Variants in ATRNL1 observed in about 807,000 individuals in gnomAD.
ATRNL1 encodes the protein attractin like 1, also known as attractin-like protein 1.
A neutral mutation model predicts 182.7 loss-of-function variants in ATRNL1; 95 were observed. That is an observed-to-expected ratio of 0.52 (90% CI 0.44 to 0.62). ATRNL1 has a LOEUF of 0.62. Ranked by LOEUF, ATRNL1 falls within the 20% of genes least tolerant of loss-of-function variation. The probability of loss-of-function intolerance (pLI) is 0.00; values close to 1 mark genes in which losing one functional copy is unlikely to be tolerated. For synonymous variants in ATRNL1, 576 were observed against 568.3 expected, an observed-to-expected ratio of 1.01 and a Z score of -0.19; for missense variants, 1,471 against 1,679.5, an observed-to-expected ratio of 0.88 and a Z score of 2.17.
At chr10:115,565,069 A>G (rs1047721084) in intron 26 of ATRNL1, among the ~76,000 whole-genome samples, 2 of 152,036 alleles carry the variant, frequency 1.3e-5, no homozygotes, top group African/African-American at 4.8e-5. Flanking sequence ...CACTTAGAAT[A>G]TTCTTTTAGA....
At chr10:115,431,083 G>A (rs1554963839) in intron 21 of ATRNL1, among the ~76,000 whole-genome samples, 1 of 152,072 alleles carries the variant, frequency 6.6e-6, no homozygotes, top group East Asian at 1.9e-4. Flanking sequence ...GACGCTCAAT[G>A]TTTAGATTTT....
chr10:115,559,318 G>T (rs1853521652), intron 26 of ATRNL1, among the ~76,000 whole-genome samples: 1 of 152,110 alleles, frequency 6.6e-6, no homozygotes, highest in African/African-American at 2.4e-5. Context: ...CATTCTGTTT[G>T]CAACAAGCAC....
intron 25 of ATRNL1, among the ~76,000 whole-genome samples, chr10:115,534,657 A>T (rs1186284114): frequency 6.6e-6 from 1 of 151,748 alleles, no homozygotes; most frequent in African/African-American, 2.4e-5. Context: ...TTATGGTGTT[A>T]GCTGGTTATT....
At chr10:115,767,174 C>G (rs919605667) in intron 27 of ATRNL1, among the ~76,000 whole-genome samples, 1 of 152,154 alleles carries the variant, frequency 6.6e-6, no homozygotes, top group Admixed American at 6.5e-5. Context: ...ATTTATTAAA[C>G]ATGGGCATTG....
chr10:115,336,978 T>G (rs1592477201), intron 19 of ATRNL1, among the ~76,000 whole-genome samples: 1 of 143,476 alleles, frequency 7.0e-6, no homozygotes, highest in Non-Finnish European at 1.5e-5. Flanking sequence ...CCCAAGTAGC[T>G]GGGGGGGGGG....
At chr10:115,347,708 TAGTC>T (rs1280816917) in intron 19 of ATRNL1, among the ~76,000 whole-genome samples, 4 of 152,038 alleles carry the variant, frequency 2.6e-5, no homozygotes, top group South Asian at 4.1e-4. Context: ...ATATTATGGT[TAGTC>T]AGTTATTATA....
At chr10:115,812,546 G>A (rs368763881) in intron 27 of ATRNL1, among the ~76,000 whole-genome samples, 7 of 152,040 alleles carry the variant, frequency 4.6e-5, no homozygotes, top group Non-Finnish European at 7.4e-5. Flanking sequence ...GCACGATCTC[G>A]GCTCACTGCA....
At chr10:115,644,152 T>TTTA (rs1308282593) in intron 26 of ATRNL1, among the ~76,000 whole-genome samples, 1 of 152,170 alleles carries the variant, frequency 6.6e-6, no homozygotes, top group Non-Finnish European at 1.5e-5. Context: ...AAACTACTGA[T>TTTA]ACAACAGCGT....
At chr10:115,246,840 G>A (rs1850666151) in intron 10 of ATRNL1, among the ~76,000 whole-genome samples, 3 of 65,058 alleles carry the variant, frequency 4.6e-5, no homozygotes, top group Admixed American at 2.2e-4. Context: ...GATTACAGGC[G>A]TGAGCCACCG....
intron 25 of ATRNL1, among the ~76,000 whole-genome samples, chr10:115,546,086 T>C (rs782401992): frequency 5.9e-5 from 9 of 152,194 alleles, no homozygotes; most frequent in Non-Finnish European, 1.0e-4. Context: ...TGGTACATAT[T>C]ACTCAATAGA....
chr10:115,103,337 T>A (rs987781827), intron 1 of ATRNL1, among the ~76,000 whole-genome samples: 8 of 152,124 alleles, frequency 5.3e-5, no homozygotes, highest in Non-Finnish European at 1.0e-4. Flanking sequence ...CTGCGCCTGG[T>A]CATATTTTTT....
At chr10:115,878,035 G>A (rs1254004294) in intron 28 of ATRNL1, among the ~76,000 whole-genome samples, 1 of 152,144 alleles carries the variant, frequency 6.6e-6, no homozygotes, top group Non-Finnish European at 1.5e-5. Flanking sequence ...CTGTAGAAGT[G>A]GCCCAGGGCT....
At chr10:115,906,180 A>G (rs1455545264) in intron 28 of ATRNL1, among the ~76,000 whole-genome samples, 2 of 152,202 alleles carry the variant, frequency 1.3e-5, no homozygotes, top group African/African-American at 4.8e-5. Context: ...TTTAAAAATT[A>G]TAATTATAAC....
intron 26 of ATRNL1, among the ~76,000 whole-genome samples, chr10:115,601,523 T>C (rs1288516344): frequency 6.6e-6 from 1 of 152,178 alleles, no homozygotes; most frequent in African/African-American, 2.4e-5. Flanking sequence ...TTCAGTTTTG[T>C]CAGTTTTGCT....
intron 26 of ATRNL1, among the ~76,000 whole-genome samples, chr10:115,575,831 A>G (rs1179905078): frequency 6.6e-6 from 1 of 152,000 alleles, no homozygotes; most frequent in Non-Finnish European, 1.5e-5. Flanking sequence ...TCTGCTATAC[A>G]TCAGATCTCT....
At chr10:115,660,827 T>TTGCA (rs1238689244) in intron 26 of ATRNL1, among the ~76,000 whole-genome samples, 3 of 152,088 alleles carry the variant, frequency 2.0e-5, no homozygotes, top group African/African-American at 7.2e-5. Context: ...GGGGCATCGA[T>TTGCA]TGCATGCATG....
At chr10:115,878,554 T>A (rs1348700407) in intron 28 of ATRNL1, among the ~76,000 whole-genome samples, 1 of 152,194 alleles carries the variant, frequency 6.6e-6, no homozygotes, top group Non-Finnish European at 1.5e-5. Flanking sequence ...GGGGTACAAG[T>A]ATATTTTCTC....
intron 9 of ATRNL1, among the ~76,000 whole-genome samples, chr10:115,231,964 C>T (rs1204835354): frequency 1.3e-5 from 2 of 151,938 alleles, no homozygotes; most frequent in Non-Finnish European, 2.9e-5. Context: ...CAGAATTTTC[C>T]CATGTGAGAG....
chr10:115,578,621 C>A (rs1473059367), intron 26 of ATRNL1, among the ~76,000 whole-genome samples: 1 of 150,458 alleles, frequency 6.6e-6, no homozygotes, highest in African/African-American at 2.4e-5. Flanking sequence ...ATTTTAATGT[C>A]ATCTTCTCTC....
Sources: allele counts gnomAD v4.1 joint callset (sites outside exome capture counted in the v4.1 genomes callset), GRCh38; gene constraint gnomAD v4.1.1; transcripts MANE v1.5; gene names NCBI Gene and HGNC (gene_info 2026-07-23, HGNC 2026-07-21).